ACACA: variants seen among roughly 807,000 people sequenced by gnomAD.
ACACA encodes acetyl-CoA carboxylase alpha.
ACACA carries 103 observed loss-of-function variants against 296.1 expected under a neutral mutation model. The observed-to-expected ratio is 0.35, with a 90% CI of 0.30 to 0.41. The LOEUF is 0.41. Among genes scored for constraint, ACACA ranks in the 10% least tolerant of loss-of-function variants. The probability of loss-of-function intolerance (pLI) is 1.00; values close to 1 mark genes in which losing one functional copy is unlikely to be tolerated. For synonymous variants in ACACA, 953 were observed against 1,038.6 expected, an observed-to-expected ratio of 0.92 and a Z score of 1.58; for missense variants, 1,554 against 2,989.7, an observed-to-expected ratio of 0.52 and a Z score of 11.20.
intron 3 of ACACA, among the ~76,000 whole-genome samples, chr17:37,321,540 G>C (rs1022641002): frequency 5.3e-5 from 8 of 152,096 alleles, no homozygotes; most frequent in Admixed American, 4.6e-4. Flanking sequence ...ATGAGGTCAG[G>C]AGATCGATAC....
chr17:37,342,976 A>T lies in ACACA; in HGVS notation c.39-3126T>A, dbSNP rs539354808. Among the ~76,000 whole-genome samples the T allele has an allele frequency of 8.0e-5, 12 of 150,606 alleles. No individual in the cohort carries two copies. The South Asian group carries it at 1.9e-3, about 24-fold the overall frequency. On this transcript the variant is annotated intron_variant, in intron 1 of 55. Coordinates refer to ENST00000616317, the MANE Select transcript of ACACA (RefSeq NM_198834.3). ...AAGTCAGCCTGCATTTCATTCAGAA[A>T]TTTTTTTTTTCTTTTTATTGAGACG...
intron 47 of ACACA, among the ~76,000 whole-genome samples, chr17:37,127,790 G>C (rs1226975355): frequency 6.7e-6 from 1 of 148,432 alleles, no homozygotes; most frequent in African/African-American, 2.5e-5. Context: ...GTTGCAGTGA[G>C]CCGAGATCGC....
At chr17:37,179,140 C>G in intron 41 of ACACA, 120 bp downstream of exon 41, 1 of 1,255,786 alleles carries the variant, frequency 8.0e-7, no homozygotes, top group Non-Finnish European at 1.1e-6. Context: ...TCAATGCTCT[C>G]TCTAAAGAAC....
intron 43 of ACACA, among the ~76,000 whole-genome samples, chr17:37,151,731 G>A: frequency 6.6e-6 from 1 of 152,100 alleles, no homozygotes; most frequent in East Asian, 1.9e-4. Flanking sequence ...GTGCAATCAA[G>A]GCTCACTGCA....
intron 5 of ACACA, among the ~76,000 whole-genome samples, chr17:37,278,638 A>G (rs2082373000): frequency 6.6e-6 from 1 of 152,190 alleles, no homozygotes; most frequent in African/African-American, 2.4e-5. Flanking sequence ...TATTCTGGCA[A>G]TGACAACTGT....
At chr17:37,381,774 C>T (rs916180986) in intron 1 of ACACA, among the ~76,000 whole-genome samples, 16 of 151,770 alleles carry the variant, frequency 1.1e-4, no homozygotes, top group South Asian at 4.2e-4. Context: ...ACTACAGGCA[C>T]TCGCCACCAC....
chr17:37,253,209 G>A (rs936936028), intron 14 of ACACA, among the ~76,000 whole-genome samples, 173 bp from the exon 15 acceptor site: 2 of 152,238 alleles, frequency 1.3e-5, no homozygotes, highest in African/African-American at 2.4e-5. Context: ...TGGCTAACAC[G>A]GTGAGACCCT....
chr17:37,197,993 C>G (rs1006726858), intron 35 of ACACA, among the ~76,000 whole-genome samples: 2 of 152,112 alleles, frequency 1.3e-5, no homozygotes, highest in Admixed American at 6.5e-5. Flanking sequence ...CACGGAAGAC[C>G]CCCTGCTGGC....
intron 24 of ACACA, 67 bp from the exon 25 acceptor site, chr17:37,235,166 T>C (rs1166963820): frequency 6.3e-7 from 1 of 1,577,586 alleles, no homozygotes; most frequent in Non-Finnish European, 8.7e-7. Context: ...GCTATTTGTT[T>C]TGTACTGTCT....
At chr17:37,242,480 C>T (rs542875280) in intron 22 of ACACA, among the ~76,000 whole-genome samples, 16 of 152,316 alleles carry the variant, frequency 1.1e-4, no homozygotes, top group African/African-American at 3.8e-4. Context: ...GTAACCTCAG[C>T]ACTTTGGGAG....
chr17:37,337,429 A>G (rs1389276581), intron 2 of ACACA, among the ~76,000 whole-genome samples: 4 of 146,910 alleles, frequency 2.7e-5, no homozygotes, highest in East Asian at 5.1e-4. Context: ...AAAAAAAAAA[A>G]AAAGAAAAGT....
intron 41 of ACACA, among the ~76,000 whole-genome samples, chr17:37,178,327 C>T (rs963970577): frequency 6.6e-6 from 1 of 152,144 alleles, no homozygotes; most frequent in Non-Finnish European, 1.5e-5. Flanking sequence ...AAAATGGGTT[C>T]TTTGCTACAT....
At chr17:37,153,234 A>G (rs2076111929) in intron 43 of ACACA, among the ~76,000 whole-genome samples, 1 of 152,204 alleles carries the variant, frequency 6.6e-6, no homozygotes, top group Non-Finnish European at 1.5e-5. Flanking sequence ...GGAAAATCCC[A>G]TTCAGAGTAG....
chr17:37,111,784 C>T (rs1024086802), intron 51 of ACACA, 141 bp from the exon 52 acceptor site: 8 of 708,166 alleles, frequency 1.1e-5, no homozygotes, highest in Admixed American at 8.2e-5. Context: ...ACAGACATCT[C>T]CCCGGGGAGA....
In ACACA at chr17:37,111,514, A is replaced by C. The variant is rs1340275109; in HGVS notation, c.6565+17T>G. On this transcript the variant is annotated intron_variant, in intron 52 of 55. Coordinates refer to ENST00000616317, the MANE Select transcript of ACACA (RefSeq NM_198834.3). ...CTGAATGGCTCATTGATTTGCCAGAAGGACAAGCAGACATACCCAATCGCT... is the reference window on the plus strand; with the variant it reads ...CTGAATGGCTCATTGATTTGCCAGACGGACAAGCAGACATACCCAATCGCT... 18 of 1,593,008 alleles carry C rather than the reference A, an allele frequency of 1.1e-5. No homozygotes were observed. Among genetic ancestry groups the C allele is most frequent in the Non-Finnish European group, 1.4e-5 (16 of 1,160,828 alleles).
chr17:37,219,726 A>G (rs115781786), intron 29 of ACACA, among the ~76,000 whole-genome samples: 3 of 147,914 alleles, frequency 2.0e-5, no homozygotes, highest in South Asian at 2.1e-4. Flanking sequence ...TTCATATATT[A>G]TAATATATTA....
At chr17:37,337,000 G>T (rs943821642) in intron 2 of ACACA, among the ~76,000 whole-genome samples, 1 of 152,094 alleles carries the variant, frequency 6.6e-6, no homozygotes, top group African/African-American at 2.4e-5. Flanking sequence ...TCAAAGTGTG[G>T]TCCCTGGACC....
At chr17:37,141,910 C>T (rs1213917412) in intron 45 of ACACA, among the ~76,000 whole-genome samples, 1 of 151,662 alleles carries the variant, frequency 6.6e-6, no homozygotes, top group Non-Finnish European at 1.5e-5. Context: ...AGGCTGGTCT[C>T]AAACCACTGA....
In ACACA at chr17:37,241,948, A is replaced by G. The variant is rs1034884326; in HGVS notation, c.3032+5T>C. 2.5e-6 allele frequency: 4 copies of G among 1,610,852 alleles called. No homozygotes were observed. The African/African-American group carries it at 5.3e-5, about 22-fold the overall frequency. ...GTCTGGGAATCTGGAGTTACAAGTT[A>G]CTACCTCTGTACCAGCTGAACAATG... is the stretch of plus-strand genomic sequence containing the variant. On this transcript the variant is annotated splice_donor_5th_base_variant and intron_variant, in intron 23 of 55. Transcript: ENST00000616317.
Sources: gnomAD v4.1 joint callset for allele counts (sites outside exome capture counted in the v4.1 genomes callset) on GRCh38, gnomAD v4.1.1 for gene constraint, MANE v1.5 for transcripts, NCBI Gene and HGNC (gene_info 2026-07-23, HGNC 2026-07-21) for gene names.